Variants in RIF1 observed in about 807,000 individuals in gnomAD.
The protein encoded by RIF1 is replication timing regulatory factor 1, also known as telomere-associated protein RIF1.
Under a neutral mutation model 247.1 loss-of-function variants are expected in RIF1, and 45 were observed. The observed-to-expected ratio is 0.18, with a 90% CI of 0.14 to 0.23. The LOEUF is 0.23. RIF1 is among the 10% of genes least tolerant of loss of function. The pLI is 1.00. For synonymous variants in RIF1, 1,087 were observed against 978.8 expected, an observed-to-expected ratio of 1.11 and a Z score of -2.06; for missense variants, 2,967 against 2,862.5, an observed-to-expected ratio of 1.04 and a Z score of -0.83.
At chr2:151,486,829 T>C (rs907918242), downstream of RIF1, 1 of 152,208 alleles carries the variant, frequency 6.6e-6, no homozygotes, top group Non-Finnish European at 1.5e-5. Context: ...AGGAAATGGA[T>C]ACCTAGGATT....
the RIF1 span, among the ~76,000 whole-genome samples, chr2:151,522,803 G>A: frequency 2.6e-5 from 4 of 152,114 alleles, no homozygotes; most frequent in East Asian, 1.9e-4. Flanking sequence ...ATGCAGCGCC[G>A]TGCCCTCTCC....
At chr2:151,436,599 TGAAA>T (rs1691263035) in intron 11 of RIF1, among the ~76,000 whole-genome samples, 1 of 151,866 alleles carries the variant, frequency 6.6e-6, no homozygotes, top group Admixed American at 6.6e-5. Flanking sequence ...TGTATGTCAT[TGAAA>T]GACATATGAT....
At chr2:151,494,784 G>C (rs138055952) in intron 9 of RIF1, among the ~76,000 whole-genome samples, 1,891 of 152,282 alleles carry the variant, frequency 0.012, 37 homozygotes, top group African/African-American at 0.043. Flanking sequence ...GAGTAGCTGG[G>C]ATTACAGGCG....
At chr2:151,499,402 A>T (rs1346330875) in exon 11 of RIF1, 9 of 1,469,626 alleles carry the variant, frequency 6.1e-6, no homozygotes, top group Non-Finnish European at 8.4e-6. Flanking sequence ...TGTATGACAC[A>T]AGAAAGCATC....
chr2:151,493,840 C>T, intron 9 of RIF1: 1 of 1,580,282 alleles, frequency 6.3e-7, no homozygotes. Context: ...GTGGGGGTTG[C>T]TTTCCCCAGG....
chr2:151,438,977 G>A (rs1166646415), intron 14 of RIF1, among the ~76,000 whole-genome samples: 7 of 152,158 alleles, frequency 4.6e-5, no homozygotes, highest in African/African-American at 1.7e-4. Flanking sequence ...GACTCCCCCA[G>A]AACTTAACTA....
At chr2:151,509,367 C>T (rs188932786), downstream of RIF1, among the ~76,000 whole-genome samples, 456 of 152,284 alleles carry the variant, frequency 3.0e-3, 1 homozygote, top group Non-Finnish European at 4.7e-3. Context: ...TAGAAACAAT[C>T]GTCCTTTTAT....
intron 8 of RIF1, among the ~76,000 whole-genome samples, chr2:151,424,825 A>ATTTTTTTTTTTTTTT (rs71000475): frequency 4.2e-5 from 2 of 47,286 alleles, no homozygotes; most frequent in African/African-American, 8.0e-5. Flanking sequence ...AGCCCGGCTG[A>ATTTTTTTTTTTTTTT]TTTTTTTTTT....
At chr2:151,529,529 A>G in the RIF1 span, among the ~76,000 whole-genome samples, 6 of 146,006 alleles carry the variant, frequency 4.1e-5, no homozygotes, top group African/African-American at 1.5e-4. Context: ...CAGTGTTGCC[A>G]TATAATTTTT....
chr2:151,522,554 A>G, the RIF1 span, among the ~76,000 whole-genome samples: 1 of 152,216 alleles, frequency 6.6e-6, no homozygotes, highest in Non-Finnish European at 1.5e-5. Context: ...AGTTTCATGC[A>G]GGAAAAGAAG....
chr2:151,429,759 CT>C (rs1689739997), intron 9 of RIF1, among the ~76,000 whole-genome samples: 1 of 152,086 alleles, frequency 6.6e-6, no homozygotes, highest in Non-Finnish European at 1.5e-5. Context: ...TTTTGATTTA[CT>C]TTAACCTTAT....
At chr2:151,449,306 G>A (rs1693857863) in intron 20 of RIF1, among the ~76,000 whole-genome samples, 1 of 152,012 alleles carries the variant, frequency 6.6e-6, no homozygotes, top group Non-Finnish European at 1.5e-5. Flanking sequence ...AGTGATATTG[G>A]AGTTCTCATT....
intron 10 of RIF1, among the ~76,000 whole-genome samples, chr2:151,433,579 C>T (rs1034318461): frequency 9.9e-5 from 15 of 152,004 alleles, no homozygotes; most frequent in South Asian, 2.1e-4. Flanking sequence ...GTCAGTCTCC[C>T]GAGTAGCTGG....
At chr2:151,468,284 A>C in intron 31 of RIF1, 138 bp downstream of exon 31, 1 of 926,262 alleles carries the variant, frequency 1.1e-6, no homozygotes, top group Non-Finnish European at 1.6e-6. Flanking sequence ...GGTACACGGT[A>C]AGCAGAAAGG....
At chr2:151,446,813 T>C (rs1693351276) in intron 20 of RIF1, among the ~76,000 whole-genome samples, 1 of 152,228 alleles carries the variant, frequency 6.6e-6, no homozygotes, top group Non-Finnish European at 1.5e-5. Context: ...CTTGTGCTTG[T>C]GTCATTCTAG....
chr2:151,439,272 G>C (rs1048840172), intron 14 of RIF1, among the ~76,000 whole-genome samples: 1 of 152,104 alleles, frequency 6.6e-6, no homozygotes, highest in Non-Finnish European at 1.5e-5. Flanking sequence ...GTCCAAACCC[G>C]TGTCGTTCAA....
intron 7 of RIF1, among the ~76,000 whole-genome samples, chr2:151,420,859 A>G (rs576395881): frequency 1.3e-5 from 2 of 152,268 alleles, no homozygotes; most frequent in East Asian, 1.9e-4. Flanking sequence ...TGCTCATTAC[A>G]TAGTAGTAAG....
intron 9 of RIF1, chr2:151,492,104 T>C (rs2057111589): frequency 6.2e-7 from 1 of 1,613,830 alleles, no homozygotes; most frequent in East Asian, 2.2e-5. Flanking sequence ...TTACCTGTAA[T>C]AGTCTCCTGA....
chr2:151,524,654 CTTTTTTTTTTTTTT>C, the RIF1 span: 37 of 257,364 alleles, frequency 1.4e-4, no homozygotes, highest in East Asian at 3.2e-4. Context: ...AAGAGAGAGG[CTTTTTTTTTTTTTT>C]TTTTTTTTTT....
Sources: gnomAD v4.1 joint callset for allele counts (sites outside exome capture counted in the v4.1 genomes callset) on GRCh38, gnomAD v4.1.1 for gene constraint, MANE v1.5 for transcripts, NCBI Gene and HGNC (gene_info 2026-07-23, HGNC 2026-07-21) for gene names.